ARFGAP1: variants seen among roughly 807,000 people sequenced by gnomAD.
The protein encoded by ARFGAP1 is ARF GTPase activating protein 1.
ARFGAP1 carries 26 observed loss-of-function variants against 54.0 expected under a neutral mutation model. That is an observed-to-expected ratio of 0.48 (90% CI 0.35 to 0.67). The LOEUF (loss-of-function observed/expected upper bound fraction) is 0.67. Ranked by LOEUF, ARFGAP1 falls within the 30% of genes least tolerant of loss-of-function variation. ARFGAP1 has a pLI of 0.00. For missense variants in ARFGAP1, 525 were observed against 535.8 expected (o/e 0.98, Z 0.20); for synonymous variants, 248 against 211.9 (o/e 1.17, Z -1.48).
Position 63,288,365 on chromosome 20 carries a change from A to T in ARFGAP1, c.*492A>T. 2.2e-6 allele frequency: 1 copy of T among 456,764 alleles called. No individual in the cohort carries two copies. The highest frequency in any genetic ancestry group is 4.4e-6 in the Non-Finnish European group (1 of 227,292). The allele number at this position is 456,764 out of a possible 1,614,324, so 28.3% of individuals were successfully genotyped here. ...GGTAAAGATGGAAATGCTGGAAATG[A>T]TACTGGCGCTCACGCTGCCATCCGA... is the stretch of plus-strand genomic sequence containing the variant. On this transcript the variant is annotated 3_prime_UTR_variant, in exon 13 of 13. Transcript: ENST00000370283.
Position 63,277,319 on chromosome 20 carries a change from G to C in ARFGAP1, c.443+14G>C. 6.2e-7 allele frequency: 1 copy of C among 1,608,468 alleles called. No individual in the cohort carries two copies. Among genetic ancestry groups the C allele is most frequent in the African/African-American group, 1.3e-5 (1 of 74,900 alleles). ...CATGGTGCACCGGTAGCTGCTCCTC[G>C]TGGGGCCTTAGTACAGTTTCCACTG... On this transcript the variant is annotated intron_variant, in intron 5 of 12. Transcript: ENST00000370283.
At position 63,276,540 on chromosome 20, in the gene ARFGAP1, T is replaced by C; in HGVS notation, c.231T>C (p.Ala77=). ...ACATTGAGCTTGAGAAGATGAAAGC[T>C]GGTGGGAATGCTAAGTTCCGAGAGT... ...WKDIELEKMK[A]GGNAKFREFL... The change falls in exon 4 of 13, where the codon GCT becomes GCC. Residue 77 remains alanine, a synonymous_variant. Transcript: ENST00000370283. This position sits in a 1 kb window ranked among gnomAD's most constrained non-coding sequence, Gnocchi z 5.2. The C allele has an allele frequency of 3.1e-6, 5 of 1,614,066 alleles. No individual in the cohort carries two copies. The highest frequency in any genetic ancestry group is 1.3e-5 in the African/African-American group (1 of 75,054).
rs572015607 is a variant in ARFGAP1 at position 63,276,830 on chromosome 20, A to T, written c.342+179A>T. 4.4e-6 allele frequency: 3 copies of T among 684,376 alleles called. No individual in the cohort carries two copies. In the South Asian group the frequency reaches 7.1e-5, roughly 16 times the overall value. The allele number at this position is 684,376 out of a possible 1,614,324, so 42.4% of individuals were successfully genotyped here. ...AGGCTTCCTGCCCAGAGGGGAGGCA[A>T]ATGGCTTGCGGGGGGAGACAGACCT... On this transcript the variant is annotated intron_variant, in intron 4 of 12. Transcript: ENST00000370283. This position sits in a 1 kb window ranked among gnomAD's most constrained non-coding sequence, Gnocchi z 5.2.
chr20:63,274,675 A>G (rs112571823), intron 1 of ARFGAP1, among the ~76,000 whole-genome samples: 41 of 152,222 alleles, frequency 2.7e-4, no homozygotes, highest in African/African-American at 8.7e-4. Context: ...AGGCTGGACT[A>G]TCTTCTACAG....
chr20:63,277,141 G>A (rs192802947), intron 4 of ARFGAP1, 64 bp from the exon 5 acceptor site: 39 of 1,451,682 alleles, frequency 2.7e-5, no homozygotes, highest in East Asian at 4.8e-5. Flanking sequence ...CGCTGGAGTC[G>A]ACGGTGCCCG....
intron 5 of ARFGAP1, 34 bp downstream of exon 5, chr20:63,277,339 CCA>C: frequency 6.3e-7 from 1 of 1,575,370 alleles, no homozygotes; most frequent in South Asian, 1.1e-5. Flanking sequence ...AGTACAGTTT[CCA>C]CTGGGTCCTG....
chr20:63,281,474 A>C, intron 8 of ARFGAP1, 127 bp downstream of exon 8: 1 of 1,203,292 alleles, frequency 8.3e-7, no homozygotes, highest in Non-Finnish European at 1.2e-6. Context: ...TGCTGTAACC[A>C]TGGGCTGTGC....
In ARFGAP1 at chr20:63,278,954, G is replaced by T; in HGVS notation, c.586G>T (p.Glu196Ter). 2 of 1,614,100 alleles carry T rather than the reference G, an allele frequency of 1.2e-6. No individual in the cohort carries two copies. The highest frequency in any genetic ancestry group is 1.7e-6 in the Non-Finnish European group (2 of 1,180,038). ...FGNTPPPQKK[E>*]DDFLNNAMSS... ...GAACACGCCACCGCCTCAGAAGAAA[G>T]AAGATGACTTCCTCAACAACGCCAT... The change falls in exon 7 of 13, where the codon GAA (glutamate) becomes TAA (stop). Residue 196 changes from glutamate to a stop codon, truncating the protein, a stop_gained. Transcript: ENST00000370283. LOFTEE classifies it high-confidence loss of function.
rs6010893 is a variant in ARFGAP1 at position 63,283,736 on chromosome 20, C to T, written c.717+885C>T. ...CCAGGGTTGTGTTGCTGAGAGCCTG[C>T]CCGGTGCTGCCTTAGTGTTGCGGCA... On this transcript the variant is annotated intron_variant, in intron 9 of 12. Transcript: ENST00000370283. 3,030 of 1,139,636 alleles carry T rather than the reference C, an allele frequency of 2.7e-3. 61 individuals carry two copies. In the African/African-American group the frequency reaches 0.042, roughly 16 times the overall value. The allele number at this position is 1,139,636 out of a possible 1,614,324, so 70.6% of individuals were successfully genotyped here. A position where few individuals can be genotyped will look rare whatever the true frequency, so the allele number is the denominator to read the frequency against.
intron 7 of ARFGAP1, chr20:63,279,327 T>C (rs1344678503): frequency 2.3e-6 from 1 of 425,802 alleles, no homozygotes; most frequent in East Asian, 6.2e-5. Context: ...TGCCTCAGCC[T>C]CCTGAGTAGC....
chr20:63,287,792 C>T lies in ARFGAP1; in HGVS notation c.1140C>T (p.Gly380=), dbSNP rs1029156834. 1.0e-5 allele frequency: 12 copies of T among 1,173,520 alleles called. No individual in the cohort carries two copies. The East Asian group carries it at 1.2e-4, about 12-fold the overall frequency. 72.7% of individuals were successfully genotyped at this position (1,173,520 alleles called of 1,614,324 possible). ...CCAACAGGAACAGCAACAGCGACGG[C>T]GGGGAGGGCGGGGAGGGCACCAAGA... is the stretch of plus-strand genomic sequence containing the variant. ...ASTNRNSNSD[G]GEGGEGTKKA... The change falls in exon 13 of 13, where the codon GGC becomes GGT. Residue 380 remains glycine, a synonymous_variant. Coordinates refer to ENST00000370283, the MANE Select transcript of ARFGAP1 (RefSeq NM_018209.4).
In ARFGAP1 at chr20:63,278,985, C is replaced by T; in HGVS notation, c.617C>T (p.Ser206Phe). ...EDDFLNNAMSSLYSGWSSFTT... is the reference protein window; with the variant it reads ...EDDFLNNAMSFLYSGWSSFTT... The stretch of plus-strand genomic sequence containing the variant: ...GACTTCCTCAACAACGCCATGTCCT[C>T]CCTGTACTCGGTGAGGACTTGGCCC... Residue 206 changes from serine (S) to phenylalanine (F), a missense_variant, in exon 7 of 13, where the codon TCC becomes TTC. Ser to Phe is a radical substitution (Grantham distance 155). Around this residue, in one of 3 missense-constraint regions of ARFGAP1, gnomAD observed 466 missense variants for 453.6 expected, o/e 1.03. Coordinates refer to ENST00000370283, the MANE Select transcript of ARFGAP1 (RefSeq NM_018209.4). 1 of 1,614,012 alleles carries T rather than the reference C, an allele frequency of 6.2e-7. No individual in the cohort carries two copies. The highest frequency in any genetic ancestry group is 8.5e-7 in the Non-Finnish European group (1 of 1,180,022).
intron 11 of ARFGAP1, 32 bp downstream of exon 11, chr20:63,285,745 C>G: frequency 6.2e-7 from 1 of 1,606,516 alleles, no homozygotes; most frequent in Non-Finnish European, 8.5e-7. Context: ...CGGGCACAGT[C>G]GAAGCCAGTC....
At chr20:63,284,817 G>A (rs368304656) in intron 9 of ARFGAP1, 49 bp from the exon 10 acceptor site, 49 of 1,608,002 alleles carry the variant, frequency 3.0e-5, no homozygotes, top group Non-Finnish European at 3.9e-5. Flanking sequence ...GCCGACCCGT[G>A]TCCCGTGGTG....
At chr20:63,284,168 C>T (rs536960651) in intron 9 of ARFGAP1, 534 of 1,294,746 alleles carry the variant, frequency 4.1e-4, no homozygotes, top group Non-Finnish European at 4.8e-4. Flanking sequence ...GGCCTGCTGC[C>T]GGGGAGGTGC....
chr20:63,286,127 G>A (rs2067533283), intron 11 of ARFGAP1: 1 of 1,550,260 alleles, frequency 6.5e-7, no homozygotes, highest in Non-Finnish European at 8.7e-7. Context: ...GCATGTGGTG[G>A]GAGCTCTTGA....
chr20:63,283,023 C>T (rs905993566), intron 9 of ARFGAP1, 172 bp downstream of exon 9: 14 of 707,106 alleles, frequency 2.0e-5, no homozygotes, highest in South Asian at 1.2e-4. Flanking sequence ...TCCTCATGCC[C>T]GGGTGGCTGC....
intron 11 of ARFGAP1, 193 bp from the exon 12 acceptor site, chr20:63,286,173 C>T (rs767080052): frequency 1.6e-5 from 25 of 1,549,996 alleles, no homozygotes; most frequent in South Asian, 1.5e-4. Context: ...TGCCATGTCC[C>T]GCACACACCT....
intron 8 of ARFGAP1, 132 bp downstream of exon 8, chr20:63,281,479 C>A (rs1166276336): frequency 5.2e-6 from 6 of 1,147,442 alleles, no homozygotes; most frequent in Non-Finnish European, 7.4e-6. Context: ...TAACCATGGG[C>A]TGTGCCAACG....
Sources: gnomAD v4.1 joint callset for allele counts (sites outside exome capture counted in the v4.1 genomes callset) on GRCh38, gnomAD v4.1.1 for gene constraint, gnomAD v4.1.1 regional missense constraint, Gnocchi (gnomAD v3.1) non-coding constraint, MANE v1.5 for transcripts, NCBI Gene and HGNC (gene_info 2026-07-23, HGNC 2026-07-21) for gene names.